Variants in ERI1 observed in about 807,000 individuals in gnomAD.
ERI1 encodes the protein exoribonuclease 1, also known as 3'-5' exoribonuclease 1.
A neutral mutation model predicts 39.7 loss-of-function variants in ERI1; 39 were observed. That is an observed-to-expected ratio of 0.98 (90% confidence interval 0.76 to 1.28). The LOEUF is 1.28. Ranked by LOEUF, ERI1 falls within the 50% of genes most tolerant of loss-of-function variation. ERI1 has a pLI of 0.00. For missense variants in ERI1, 581 were observed against 416.9 expected (o/e 1.39, Z -3.43); for synonymous variants, 204 against 149.6 (o/e 1.36, Z -2.65).
chr8:9,058,495 A>G (rs1798585353), intron 3 of ERI1, among the ~76,000 whole-genome samples: 1 of 152,234 alleles, frequency 6.6e-6, no homozygotes, highest in Non-Finnish European at 1.5e-5. Flanking sequence ...ATGAATAAAA[A>G]TGATAATGAC....
chr8:9,017,781 C>G (rs1817464964), intron 4 of ERI1, among the ~76,000 whole-genome samples: 3 of 152,106 alleles, frequency 2.0e-5, no homozygotes, highest in Admixed American at 1.3e-4. Context: ...CAATCCAGAT[C>G]CTGAAGGGTC....
intron 3 of ERI1, among the ~76,000 whole-genome samples, chr8:9,015,256 T>C (rs879014926): frequency 2.6e-5 from 4 of 152,202 alleles, no homozygotes; most frequent in Non-Finnish European, 5.9e-5. Flanking sequence ...ATACAAACTT[T>C]TCTTAATTTT....
chr8:9,069,649 A>G (rs1798986210), intron 3 of ERI1, among the ~76,000 whole-genome samples: 1 of 152,234 alleles, frequency 6.6e-6, no homozygotes, highest in African/African-American at 2.4e-5. Flanking sequence ...CCTAAGTGAC[A>G]AGATCATTCG....
intron 3 of ERI1, among the ~76,000 whole-genome samples, chr8:9,015,342 T>C (rs1817121927): frequency 6.6e-6 from 1 of 152,184 alleles, no homozygotes; most frequent in Non-Finnish European, 1.5e-5. Context: ...TTGCTGCCTT[T>C]AAATCTTTAG....
At chr8:9,059,084 C>A (rs185814031) in intron 3 of ERI1, among the ~76,000 whole-genome samples, 1 of 152,082 alleles carries the variant, frequency 6.6e-6, no homozygotes, top group African/African-American at 2.4e-5. Context: ...GGGTTGTTCT[C>A]TGGCGGGCAG....
chr8:9,041,388 C>T (rs927767374), intron 3 of ERI1, among the ~76,000 whole-genome samples: 31 of 152,266 alleles, frequency 2.0e-4, no homozygotes, highest in Non-Finnish European at 3.7e-4. Flanking sequence ...CATACACGCT[C>T]TTCTCATCGG....
rs1004788797 is a variant in ERI1 at position 9,089,639 on chromosome 8, C to G, written n.300-26709C>G. 2.0e-5 allele frequency among the ~76,000 whole-genome samples: 3 copies of G among 151,832 alleles called. No individual in the cohort carries two copies. In the East Asian group the frequency reaches 5.8e-4, roughly 29 times the overall value. On this transcript the variant is annotated intron_variant and non_coding_transcript_variant, in intron 3 of 3. Transcript: ENST00000518663. ...TCAGAACTCCACTCCTGGTCACCATCAAAGTCCTGCCCGGAGCCCACAGAT... is the reference window on the plus strand; with the variant it reads ...TCAGAACTCCACTCCTGGTCACCATGAAAGTCCTGCCCGGAGCCCACAGAT...
chr8:9,092,986 C>G lies in ERI1; in HGVS notation n.300-23362C>G, dbSNP rs548110790. ...TTCCTTGGCTCGTGGGCCCATCACT[C>G]TAATGGTTGCCTTCACGTTCACGTG... On this transcript the variant is annotated intron_variant and non_coding_transcript_variant, in intron 3 of 3. Transcript: ENST00000518663. Among the ~76,000 whole-genome samples, 23 of 152,338 alleles carry G rather than the reference C, an allele frequency of 1.5e-4. No homozygotes were observed. The South Asian group carries it at 4.8e-3, about 32-fold the overall frequency.
At chr8:9,029,047 A>G (rs1352908417) in intron 6 of ERI1, among the ~76,000 whole-genome samples, 2 of 148,144 alleles carry the variant, frequency 1.4e-5, no homozygotes, top group Non-Finnish European at 1.5e-5. Context: ...ACCACACCAC[A>G]TCGTCTTTCA....
At chr8:9,062,313 C>T (rs1798726605) in intron 3 of ERI1, among the ~76,000 whole-genome samples, 1 of 151,584 alleles carries the variant, frequency 6.6e-6, no homozygotes, top group African/African-American at 2.4e-5. Context: ...GAGGAGAATG[C>T]GAAGGAGGCT....
intron 3 of ERI1, among the ~76,000 whole-genome samples, chr8:9,099,275 G>A (rs543770104): frequency 6.6e-6 from 1 of 150,688 alleles, no homozygotes; most frequent in South Asian, 2.2e-4. Context: ...CAATGCTACT[G>A]ATTAGTTCAA....
intron 6 of ERI1, among the ~76,000 whole-genome samples, chr8:9,026,719 T>G (rs953094839): frequency 6.6e-6 from 1 of 152,238 alleles, no homozygotes; most frequent in Non-Finnish European, 1.5e-5. Context: ...TTTCAGGTTT[T>G]GGAATTTTGG....
At position 9,056,452 on chromosome 8, in the gene ERI1, T is replaced by A. The variant is rs190039829; in HGVS notation, n.299+35988T>A. On this transcript the variant is annotated intron_variant and non_coding_transcript_variant, in intron 3 of 3. Transcript: ENST00000518663. ...CCGTGTATAGTTTGCTTAACCATGT[T>A]CTTATGGCCAGTCATGCAGGTTGTT... 1.1e-4 allele frequency among the ~76,000 whole-genome samples: 16 copies of A among 152,358 alleles called. No individual in the cohort carries two copies. In the East Asian group the frequency reaches 3.1e-3, roughly 29 times the overall value.
Position 9,008,041 on chromosome 8 carries a change from C to T in ERI1, c.180C>T (p.Asp60=), listed in dbSNP as rs765735949. 2.5e-6 allele frequency: 4 copies of T among 1,595,214 alleles called. No homozygotes were observed. The highest frequency in any genetic ancestry group is 3.4e-6 in the Non-Finnish European group (4 of 1,172,144). The change falls in exon 2 of 7, where the codon GAC becomes GAT. Residue 60 remains aspartate, a synonymous_variant. Transcript: ENST00000250263. ...AGTTCATTACCTCCAGTGCGAGTGA[C>T]TTCAGTGACCCGGTTTACAAAGAGA... ...GSKFITSSAS[D]FSDPVYKEIA...
At chr8:9,064,217 G>A (rs2921372) in intron 3 of ERI1, among the ~76,000 whole-genome samples, 89,471 of 141,720 alleles carry the variant, frequency 0.63, 27,501 homozygotes, top group South Asian at 0.78. Context: ...GATACTTGCC[G>A]CTAAGGGTGA....
chr8:9,066,453 C>T (rs1014841958), intron 3 of ERI1, among the ~76,000 whole-genome samples: 2 of 152,148 alleles, frequency 1.3e-5, no homozygotes, highest in African/African-American at 2.4e-5. Flanking sequence ...CTTTTCAGAG[C>T]GGCCAGTGGG....
At chr8:9,018,757 C>T (rs1438478307) in intron 5 of ERI1, among the ~76,000 whole-genome samples, 2 of 151,606 alleles carry the variant, frequency 1.3e-5, no homozygotes, top group Non-Finnish European at 2.9e-5. Context: ...TAATCTAATT[C>T]ACCTGCCATT....
downstream of ERI1, among the ~76,000 whole-genome samples, chr8:9,035,485 C>T (rs1043264603): frequency 2.6e-5 from 4 of 152,142 alleles, no homozygotes; most frequent in Non-Finnish European, 5.9e-5. Context: ...AACGGCAAAG[C>T]CTGAATGACA....
intron 6 of ERI1, 96 bp from the exon 7 acceptor site, chr8:9,029,696 G>A (rs1797447784): frequency 7.0e-7 from 1 of 1,421,470 alleles, no homozygotes; most frequent in Non-Finnish European, 9.7e-7. Context: ...TTAGCTGTTA[G>A]TGCTAATTTT....
Sources: gnomAD v4.1 joint callset for allele counts (sites outside exome capture counted in the v4.1 genomes callset) on GRCh38, gnomAD v4.1.1 for gene constraint, MANE v1.5 for transcripts, NCBI Gene and HGNC (gene_info 2026-07-23, HGNC 2026-07-21) for gene names.